AFAP1: variants seen among roughly 807,000 people sequenced by gnomAD.
AFAP1 encodes actin filament-associated protein 1.
AFAP1 carries 75 observed loss-of-function variants against 93.9 expected under a neutral mutation model. The observed-to-expected ratio is 0.80, with a 90% CI of 0.66 to 0.97. The LOEUF (loss-of-function observed/expected upper bound fraction) is 0.97. Ranked by LOEUF, AFAP1 falls within the 50% of genes least tolerant of loss-of-function variation. The probability of loss-of-function intolerance (pLI) is 0.00; values close to 1 mark genes in which losing one functional copy is unlikely to be tolerated. For synonymous variants in AFAP1, 517 were observed against 430.7 expected, an observed-to-expected ratio of 1.20 and a Z score of -2.48; for missense variants, 1,201 against 1,050.8, an observed-to-expected ratio of 1.14 and a Z score of -1.98.
rs911091141 is a variant in AFAP1 at position 7,853,283 on chromosome 4, G to A, written c.334+2183C>T. ...AGATAAACTGTGGTAGTTTTCTACT[G>A]TATCAGCCTAGCAAGACTGGAATCA... On this transcript the variant is annotated intron_variant, in intron 4 of 17. Coordinates refer to ENST00000420658, the MANE Select transcript of AFAP1 (RefSeq NM_001134647.2). Among the ~76,000 whole-genome samples, 37 of 150,834 alleles carry A rather than the reference G, an allele frequency of 2.5e-4. 1 individual carries two copies. The highest frequency in any genetic ancestry group is 2.6e-4 in the Admixed American group (4 of 15,122).
At chr4:7,806,924 T>G (rs1006908103) in intron 9 of AFAP1, among the ~76,000 whole-genome samples, 1 of 152,136 alleles carries the variant, frequency 6.6e-6, no homozygotes, top group African/African-American at 2.4e-5. Flanking sequence ...CCAGCACAAA[T>G]GCAGCTATTT....
chr4:7,829,372 CCTAT>C (rs764989676), intron 6 of AFAP1, among the ~76,000 whole-genome samples: 43 of 152,290 alleles, frequency 2.8e-4, no homozygotes, highest in Non-Finnish European at 5.4e-4. Context: ...ACCCTAACTG[CCTAT>C]CTGACTACAA....
intron 8 of AFAP1, among the ~76,000 whole-genome samples, chr4:7,810,053 G>C (rs574846781): frequency 2.0e-5 from 3 of 152,112 alleles, no homozygotes; most frequent in African/African-American, 7.2e-5. Flanking sequence ...TGTAGAAATG[G>C]GGTTTCCCCA....
intron 6 of AFAP1, among the ~76,000 whole-genome samples, chr4:7,835,414 G>A (rs1422875445): frequency 1.8e-5 from 2 of 110,064 alleles, no homozygotes; most frequent in African/African-American, 6.5e-5. Context: ...AATGGACTGC[G>A]GGCTGCCTTA....
At chr4:7,764,400 AAAGG>A (rs1037974349) in intron 17 of AFAP1, among the ~76,000 whole-genome samples, 157 of 125,576 alleles carry the variant, frequency 1.3e-3, no homozygotes, top group Non-Finnish European at 1.9e-3. Context: ...TATAAAAAAA[AAAGG>A]AAGTAGAATA....
At chr4:7,787,550 A>G (rs1717418643) in intron 11 of AFAP1, among the ~76,000 whole-genome samples, 1 of 152,034 alleles carries the variant, frequency 6.6e-6, no homozygotes, top group African/African-American at 2.4e-5. Context: ...CTCCCGGAAG[A>G]CCACTGAGGG....
chr4:7,816,178 A>G, intron 7 of AFAP1, 79 bp from the exon 8 acceptor site: 2 of 1,232,498 alleles, frequency 1.6e-6, no homozygotes, highest in Non-Finnish European at 2.3e-6. Flanking sequence ...ACCAAAAGTT[A>G]TCTCAAAAGT....
In AFAP1 at chr4:7,765,652, A is replaced by C. The variant is rs192513819; in HGVS notation, c.2419-1861T>G. On this transcript the variant is annotated intron_variant, in intron 17 of 17. Transcript: ENST00000420658. ...TTCCAGAAAGAGGAGGCAAAAGAGC[A>C]GACCCAGGTCAGAGCAGCGGCAGAC... Among the ~76,000 whole-genome samples, 44 of 152,368 alleles carry C rather than the reference A, an allele frequency of 2.9e-4. No homozygotes were observed. In the East Asian group the frequency reaches 6.0e-3, roughly 21 times the overall value.
rs1443579402 is a variant in AFAP1 at position 7,761,771 on chromosome 4, T to C, written c.*1994A>G. On this transcript the variant is annotated 3_prime_UTR_variant, in exon 18 of 18. Transcript: ENST00000420658. Reference sequence around the variant, plus strand: ...TATAGAAAATTCATTTTGTGTGATATGAAGTGGGCCCAGCTGCCTGCAATG... The same window carrying C: ...TATAGAAAATTCATTTTGTGTGATACGAAGTGGGCCCAGCTGCCTGCAATG... 1.3e-5 allele frequency: 2 copies of C among 152,192 alleles called. No individual in the cohort carries two copies. The highest frequency in any genetic ancestry group is 4.8e-5 in the African/African-American group (2 of 41,430). 9.4% of individuals were successfully genotyped at this position (152,192 alleles called of 1,614,324 possible). A position where few individuals can be genotyped will look rare whatever the true frequency, so the allele number is the denominator to read the frequency against.
intron 1 of AFAP1, among the ~76,000 whole-genome samples, chr4:7,901,739 G>C (rs909619559): frequency 6.6e-6 from 1 of 152,258 alleles, no homozygotes; most frequent in Admixed American, 6.5e-5. Context: ...CTGGATGCAT[G>C]AGAACATTCC....
At chr4:7,874,325 A>C (rs920509232) in intron 1 of AFAP1, among the ~76,000 whole-genome samples, 1 of 144,610 alleles carries the variant, frequency 6.9e-6, no homozygotes, top group African/African-American at 2.6e-5. Flanking sequence ...CTTCCCAACT[A>C]CCTATCTGTG....
At chr4:7,938,171 T>C (rs1256747944) in intron 1 of AFAP1, among the ~76,000 whole-genome samples, 1 of 150,734 alleles carries the variant, frequency 6.6e-6, no homozygotes, top group South Asian at 2.1e-4. Flanking sequence ...CGGCGTAGAG[T>C]GGGGGTCTGG....
At chr4:7,843,474 C>A in intron 4 of AFAP1, 124 bp from the exon 5 acceptor site, 2 of 915,264 alleles carry the variant, frequency 2.2e-6, no homozygotes, top group Non-Finnish European at 1.6e-6. Flanking sequence ...GACCTCTGCT[C>A]CTTAAGGGAA....
At chr4:7,893,823 G>C (rs2149210048) in intron 1 of AFAP1, among the ~76,000 whole-genome samples, 1 of 152,226 alleles carries the variant, frequency 6.6e-6, no homozygotes, top group South Asian at 2.1e-4. Context: ...TGAGAAGCCA[G>C]GCCCTAAGCC....
chr4:7,801,720 GCCTCAAAAATGTCACACATACCCCTA>G (rs1286210272), intron 9 of AFAP1, among the ~76,000 whole-genome samples: 1 of 150,632 alleles, frequency 6.6e-6, no homozygotes, highest in East Asian at 1.9e-4. Context: ...ACATACCCCT[GCCTCAAAAATGTCACACATACCCCTA>G]CCTCAAAAAT....
intron 3 of AFAP1, among the ~76,000 whole-genome samples, chr4:7,859,953 G>A (rs996910174): frequency 6.6e-6 from 1 of 152,060 alleles, no homozygotes; most frequent in Non-Finnish European, 1.5e-5. Context: ...ACCAGCCTGG[G>A]CAACATGGCA....
intron 1 of AFAP1, among the ~76,000 whole-genome samples, chr4:7,884,157 TC>T (rs1439915143): frequency 6.6e-6 from 1 of 151,888 alleles, no homozygotes; most frequent in Non-Finnish European, 1.5e-5. Context: ...AGACACCTGC[TC>T]CCCCCTTCAC....
intron 9 of AFAP1, among the ~76,000 whole-genome samples, chr4:7,807,254 T>C (rs1719601388): frequency 6.6e-6 from 1 of 152,256 alleles, no homozygotes; most frequent in Non-Finnish European, 1.5e-5. Context: ...ATTCCTGCTT[T>C]CTGTTTTTAA....
chr4:7,775,165 G>C lies in AFAP1; in HGVS notation c.1898-262C>G, dbSNP rs182631618. On this transcript the variant is annotated intron_variant, in intron 14 of 17. Coordinates refer to ENST00000420658, the MANE Select transcript of AFAP1 (RefSeq NM_001134647.2). ...AAAAAAAATTAGGTTTATTCAAGCA[G>C]ATAATGGGGTAACTCAAAAAGCCTG... 1.1e-4 allele frequency: 43 copies of C among 388,654 alleles called. No homozygotes were observed. The Admixed American group carries it at 1.7e-3, about 16-fold the overall frequency. 24.1% of individuals were successfully genotyped at this position (388,654 alleles called of 1,614,324 possible).
Sources: allele counts gnomAD v4.1 joint callset (sites outside exome capture counted in the v4.1 genomes callset), GRCh38; gene constraint gnomAD v4.1.1; transcripts MANE v1.5; gene names NCBI Gene and HGNC (gene_info 2026-07-23, HGNC 2026-07-21).